Variants in LAMB3 observed in about 807,000 individuals in gnomAD.
LAMB3 encodes the protein laminin subunit beta-3.
Under a neutral mutation model 140.3 loss-of-function variants are expected in LAMB3, and 104 were observed. The observed-to-expected ratio is 0.74, with a 90% CI of 0.63 to 0.87. The LOEUF (loss-of-function observed/expected upper bound fraction) is 0.87. Ranked by LOEUF, LAMB3 falls within the 40% of genes least tolerant of loss-of-function variation. The probability of loss-of-function intolerance (pLI) is 0.00; values close to 1 mark genes in which losing one functional copy is unlikely to be tolerated. For synonymous variants in LAMB3, 592 were observed against 602.9 expected (o/e 0.98, Z 0.26); for missense variants, 1,531 against 1,575.2 (o/e 0.97, Z 0.47).
intron 18 of LAMB3, among the ~76,000 whole-genome samples, chr1:209,620,285 A>ATGTGCC (rs1666139924): frequency 6.6e-6 from 1 of 152,230 alleles, no homozygotes; most frequent in Non-Finnish European, 1.5e-5. Flanking sequence ...AGACAGGCAC[A>ATGTGCC]TGAACAAGGA....
Position 209,628,195 on chromosome 1 carries a change from G to A in LAMB3, c.1133-5C>T, listed in dbSNP as rs2102426178. 6.4e-7 allele frequency: 1 copy of A among 1,555,432 alleles called. No individual in the cohort carries two copies. Among genetic ancestry groups the A allele is most frequent in the Non-Finnish European group, 8.7e-7 (1 of 1,149,056 alleles). ...CATCCGGATCACACTCGCAGGCTGA[G>A]AGACAACAGCAGCCACCGCAGTAGG... is the stretch of plus-strand genomic sequence containing the variant. On this transcript the variant is annotated splice_region_variant and splice_polypyrimidine_tract_variant and intron_variant, in intron 10 of 22. Coordinates refer to ENST00000356082, the MANE Select transcript of LAMB3 (RefSeq NM_000228.3).
chr1:209,637,934 G>A lies in LAMB3; in HGVS notation c.346C>T (p.Leu116Phe). ...TGGAACTCCATCATGACTTCTTGAAGCTGGAATCTCCTGTCCAGGTCCAGC... is the reference window on the plus strand; with the variant it reads ...TGGAACTCCATCATGACTTCTTGAAACTGGAATCTCCTGTCCAGGTCCAGC... ...LQLDLDRRFQ[L>F]QEVMMEFQGP... The change falls in exon 5 of 23, where the codon CTT becomes TTT. Residue 116 changes from leucine to phenylalanine, a missense_variant. Coordinates refer to ENST00000356082, the MANE Select transcript of LAMB3 (RefSeq NM_000228.3). The A allele has an allele frequency of 6.2e-7, 1 of 1,613,254 alleles. No individual in the cohort carries two copies.
At chr1:209,637,164 C>T (rs1349840228) in intron 5 of LAMB3, among the ~76,000 whole-genome samples, 2 of 152,100 alleles carry the variant, frequency 1.3e-5, no homozygotes, top group African/African-American at 4.8e-5. Context: ...TATTTTTGAC[C>T]TTTAGATGGG....
intron 5 of LAMB3, among the ~76,000 whole-genome samples, chr1:209,634,946 TCTCTC>T (rs1666844451): frequency 6.6e-6 from 1 of 150,752 alleles, no homozygotes; most frequent in Admixed American, 6.6e-5. Flanking sequence ...TCTCTCTCTC[TCTCTC>T]TCTCTCCTCT....
chr1:209,642,881 C>T (rs945491109), intron 3 of LAMB3, among the ~76,000 whole-genome samples: 3 of 152,118 alleles, frequency 2.0e-5, no homozygotes, highest in Non-Finnish European at 2.9e-5. Context: ...GGTTTATTGC[C>T]CTGCTCCTCC....
Position 209,628,072 on chromosome 1 carries a change from G to A in LAMB3, c.1251C>T (p.Phe417=), listed in dbSNP as rs764431791. ...GERCDLCKPG[F]TGLTYANPQG... ...GCGGGTTGGCGTAGGTGAGTCCAGT[G>A]AAGCCCGGCTTGCATAGGTCACAGC... The change falls in exon 11 of 23, where the codon TTC becomes TTT. Residue 417 remains phenylalanine (F), a synonymous_variant. Coordinates refer to ENST00000356082, the MANE Select transcript of LAMB3 (RefSeq NM_000228.3). 28 of 1,607,366 alleles carry A rather than the reference G, an allele frequency of 1.7e-5. No individual in the cohort carries two copies. The highest frequency in any genetic ancestry group is 2.4e-5 in the Non-Finnish European group (28 of 1,176,814).
At chr1:209,636,523 A>C (rs1666898962) in intron 5 of LAMB3, among the ~76,000 whole-genome samples, 1 of 152,052 alleles carries the variant, frequency 6.6e-6, no homozygotes, top group Non-Finnish European at 1.5e-5. Flanking sequence ...GTGAATCTTC[A>C]GTCTGCTCCC....
At chr1:209,646,529 C>A (rs1001876826) in intron 3 of LAMB3, among the ~76,000 whole-genome samples, 1 of 152,214 alleles carries the variant, frequency 6.6e-6, no homozygotes, top group Non-Finnish European at 1.5e-5. Context: ...ACTTCACTAA[C>A]CATGACCGCC....
intron 1 of LAMB3, chr1:209,651,313 T>C: frequency 3.2e-6 from 1 of 316,158 alleles, no homozygotes; most frequent in South Asian, 3.2e-5. Flanking sequence ...AGGAAAAGGC[T>C]GGACCCTTTG....
intron 13 of LAMB3, among the ~76,000 whole-genome samples, 153 bp from the exon 14 acceptor site, chr1:209,626,179 C>T (rs2102421465): frequency 6.6e-6 from 1 of 152,340 alleles, no homozygotes; most frequent in East Asian, 1.9e-4. Context: ...ATGGTAACAG[C>T]TGCAGTGAAA....
At chr1:209,617,167 T>C (rs553751189) in intron 21 of LAMB3, among the ~76,000 whole-genome samples, 1 of 152,248 alleles carries the variant, frequency 6.6e-6, no homozygotes, top group East Asian at 1.9e-4. Context: ...AGTCACCACC[T>C]CATCTGTAAA....
chr1:209,622,087 G>A (rs1666216572), intron 18 of LAMB3, among the ~76,000 whole-genome samples: 1 of 152,208 alleles, frequency 6.6e-6, no homozygotes, highest in South Asian at 2.1e-4. Flanking sequence ...GGCAGACAAA[G>A]AGCAAATAAA....
At chr1:209,638,677 A>G (rs1431476941) in intron 3 of LAMB3, 29 bp from the exon 4 acceptor site, 3 of 1,455,296 alleles carry the variant, frequency 2.1e-6, no homozygotes, top group Non-Finnish European at 2.9e-6. Context: ...GCAGACACTC[A>G]GAGGTGGGGT....
rs1558159558 is a variant in LAMB3 at position 209,632,761 on chromosome 1, G to A, written c.644C>T (p.Thr215Ile). Residue 215 changes from threonine to isoleucine, a missense_variant, in exon 8 of 23, where the codon ACA becomes ATA. By Grantham distance (89) the Thr-to-Ile change is moderately conservative. Transcript: ENST00000356082. Reference protein sequence around the residue: ...SQKIQEVGEITNLRVNFTRLA... With the variant: ...SQKIQEVGEIINLRVNFTRLA... Reference sequence around the variant, plus strand: ...CCTGGTGAAATTGACTCTCAAGTTTGTGATCTCCCCCACCTCTGAGAGGGC... The same window carrying A: ...CCTGGTGAAATTGACTCTCAAGTTTATGATCTCCCCCACCTCTGAGAGGGC... The A allele has an allele frequency of 6.2e-7, 1 of 1,614,234 alleles. No individual in the cohort carries two copies. The highest frequency in any genetic ancestry group is 1.7e-5 in the Admixed American group (1 of 60,034).
chr1:209,646,976 G>A (rs2076524053), intron 3 of LAMB3, among the ~76,000 whole-genome samples: 1 of 152,256 alleles, frequency 6.6e-6, no homozygotes, highest in Non-Finnish European at 1.5e-5. Context: ...CCATCTAGGA[G>A]CTGGAAGAAA....
chr1:209,636,445 C>T (rs2282737), intron 5 of LAMB3, among the ~76,000 whole-genome samples: 5,081 of 152,274 alleles, frequency 0.033, 257 homozygotes, highest in East Asian at 0.24. Flanking sequence ...CCCCTATTGT[C>T]TGTGGTTCAC....
At chr1:209,634,306 A>T in intron 6 of LAMB3, 141 bp downstream of exon 6, 2 of 830,308 alleles carry the variant, frequency 2.4e-6, no homozygotes, top group African/African-American at 1.7e-5. Context: ...AGGGGTCATT[A>T]CTGGTGGGAA....
chr1:209,630,191 G>C (rs1356421279), intron 9 of LAMB3, among the ~76,000 whole-genome samples: 1 of 152,150 alleles, frequency 6.6e-6, no homozygotes, highest in Non-Finnish European at 1.5e-5. Flanking sequence ...GCCAAAGAAA[G>C]AGCCCTTTGA....
chr1:209,646,493 G>T (rs1321890037), intron 3 of LAMB3, among the ~76,000 whole-genome samples: 1 of 152,182 alleles, frequency 6.6e-6, no homozygotes, highest in Admixed American at 6.5e-5. Flanking sequence ...CCAGAATGAG[G>T]GAGTCCTCAC....
Sources: gnomAD v4.1 joint callset for allele counts (sites outside exome capture counted in the v4.1 genomes callset) on GRCh38, gnomAD v4.1.1 for gene constraint, MANE v1.5 for transcripts, NCBI Gene and HGNC (gene_info 2026-07-23, HGNC 2026-07-21) for gene names.